The following IPPK variants were observed in gnomAD, a reference collection of about 807,000 sequenced individuals.
IPPK encodes inositol-pentakisphosphate 2-kinase, also known as IPK1 homolog.
A neutral mutation model predicts 64.6 loss-of-function variants in IPPK; 22 were observed. That is an observed-to-expected ratio of 0.34 (90% CI 0.24 to 0.49). The LOEUF is 0.49. Among genes scored for constraint, IPPK ranks in the 20% least tolerant of loss-of-function variants. The pLI is 0.99. For synonymous variants in IPPK, 262 were observed against 247.2 expected, an observed-to-expected ratio of 1.06 and a Z score of -0.56; for missense variants, 532 against 630.7, an observed-to-expected ratio of 0.84 and a Z score of 1.68.
intron 11 of IPPK, among the ~76,000 whole-genome samples, chr9:92,625,899 G>A (rs1034067456): frequency 3.9e-5 from 6 of 152,016 alleles, no homozygotes; most frequent in African/African-American, 1.4e-4. Context: ...AGGCAACACG[G>A]ATGAGTCAGC....
chr9:92,660,274 G>A (rs757416002), intron 1 of IPPK, among the ~76,000 whole-genome samples: 1 of 152,164 alleles, frequency 6.6e-6, no homozygotes, highest in Admixed American at 6.5e-5. Flanking sequence ...CCCTGCTAGC[G>A]ATGTGTAAGT....
chr9:92,657,613 C>A (rs1050709663), intron 2 of IPPK, among the ~76,000 whole-genome samples: 1 of 152,202 alleles, frequency 6.6e-6, no homozygotes, highest in Non-Finnish European at 1.5e-5. Context: ...GAGGCATGGA[C>A]TTTGTTTCCA....
At chr9:92,649,598 A>G (rs375468713) in intron 4 of IPPK, 24 bp from the exon 5 acceptor site, 77 of 1,613,224 alleles carry the variant, frequency 4.8e-5, no homozygotes, top group Non-Finnish European at 6.2e-5. Context: ...CAAGGGTCAC[A>G]CAGAGCAAGG....
At position 92,616,340 on chromosome 9, in the gene IPPK, C is replaced by T. The variant is rs536006154; in HGVS notation, c.1251-283G>A. On this transcript the variant is annotated intron_variant, in intron 12 of 12. Coordinates refer to ENST00000287996, the MANE Select transcript of IPPK (RefSeq NM_022755.6). ...AGCTTCCTCAGGCCAGTGCACCCCACCATACCAGGCGAGAGAGGGTTAAAG... is the reference window on the plus strand; with the variant it reads ...AGCTTCCTCAGGCCAGTGCACCCCATCATACCAGGCGAGAGAGGGTTAAAG... 314 of 353,204 alleles carry T rather than the reference C, an allele frequency of 8.9e-4. 3 individuals carry two copies. In the South Asian group the frequency reaches 0.011, roughly 13 times the overall value. The allele number at this position is 353,204 out of a possible 1,614,324, so 21.9% of individuals were successfully genotyped here.
chr9:92,620,960 C>T (rs1355035464), intron 11 of IPPK, among the ~76,000 whole-genome samples: 2 of 152,242 alleles, frequency 1.3e-5, no homozygotes, highest in Non-Finnish European at 2.9e-5. Flanking sequence ...TTGTTTCTCA[C>T]AGTTCTAGAG....
In IPPK at chr9:92,621,507, C is replaced by CTTTTTT. The variant is rs58003734; in HGVS notation, c.1171-1948_1171-1943dup. On this transcript the variant is annotated intron_variant, in intron 11 of 12. Coordinates refer to ENST00000287996, the MANE Select transcript of IPPK (RefSeq NM_022755.6). ...ATTTAAGTCAGAAATAATACCATTC[C>CTTTTTT]TTTTTTTTTTTTTTTTTTTTTTTTG... Among the ~76,000 whole-genome samples the CTTTTTT allele has an allele frequency of 3.5e-4, 31 of 87,804 alleles. 1 individual carries two copies. Among genetic ancestry groups the CTTTTTT allele is most frequent in the African/African-American group, 8.1e-4 (16 of 19,708 alleles). The allele number at this position is 87,804 out of a possible 152,430, so 57.6% of individuals were successfully genotyped here.
In IPPK at chr9:92,617,160, G is replaced by T. The variant is rs1256007338; in HGVS notation, c.1251-1103C>A. The T allele has an allele frequency of 3.9e-5, 6 of 152,308 alleles. No individual in the cohort carries two copies. The East Asian group carries it at 1.2e-3, about 29-fold the overall frequency. The allele number at this position is 152,308 out of a possible 1,614,324, so 9.4% of individuals were successfully genotyped here. A position where few individuals can be genotyped will look rare whatever the true frequency, so the allele number is the denominator to read the frequency against. ...TAAGGTCATGAGTCTCGCTCCAGAA[G>T]CTGGAGTGTGCCTGCAGCTCATCCC... On this transcript the variant is annotated intron_variant, in intron 12 of 12. Coordinates refer to ENST00000287996, the MANE Select transcript of IPPK (RefSeq NM_022755.6).
Position 92,670,093 on chromosome 9 carries a change from T to C in IPPK, c.-105A>G, listed in dbSNP as rs913912153. 3 of 723,950 alleles carry C rather than the reference T, an allele frequency of 4.1e-6. No individual in the cohort carries two copies. Among genetic ancestry groups the C allele is most frequent in the Non-Finnish European group, 4.2e-6 (2 of 474,336 alleles). 44.8% of individuals were successfully genotyped at this position (723,950 alleles called of 1,614,324 possible). A position where few individuals can be genotyped will look rare whatever the true frequency, so the allele number is the denominator to read the frequency against. On this transcript the variant is annotated 5_prime_UTR_variant, in exon 1 of 13. Transcript: ENST00000287996. ...CCGCTGCGGTCGGGGGAGGAGCGCCTGTCAGCTGCCGCCCCCGCTCGACCC... is the reference window on the plus strand; with the variant it reads ...CCGCTGCGGTCGGGGGAGGAGCGCCCGTCAGCTGCCGCCCCCGCTCGACCC...
intron 2 of IPPK, 22 bp downstream of exon 2, chr9:92,658,612 G>A: frequency 5.0e-6 from 8 of 1,598,732 alleles, no homozygotes; most frequent in Non-Finnish European, 6.9e-6. Flanking sequence ...TGTAAGTCTG[G>A]GTGCAAACCC....
rs192397247 is a variant in IPPK, at chr9:92,664,312, C to T, written c.81+5596G>A. On this transcript the variant is annotated intron_variant, in intron 1 of 12. Coordinates refer to ENST00000287996, the MANE Select transcript of IPPK (RefSeq NM_022755.6). ...TAGAAATACAAAGCACATTTGACAC[C>T]GGATGAAAAGTGACATCACCAAGAT... 1.2e-3 allele frequency among the ~76,000 whole-genome samples: 186 copies of T among 152,306 alleles called. 1 individual carries two copies. Among genetic ancestry groups the T allele is most frequent in the African/African-American group, 4.2e-3 (174 of 41,580 alleles).
chr9:92,637,898 A>G (rs1205506180), intron 9 of IPPK, 103 bp downstream of exon 9: 9 of 1,262,850 alleles, frequency 7.1e-6, no homozygotes, highest in Non-Finnish European at 9.5e-6. Context: ...CATCCCCCAG[A>G]GCCCCCAGGA....
Position 92,656,702 on chromosome 9 carries a change from A to C in IPPK, c.130-151T>G, listed in dbSNP as rs1488153709. 6 of 610,082 alleles carry C rather than the reference A, an allele frequency of 9.8e-6. No individual in the cohort carries two copies. In the East Asian group the frequency reaches 1.7e-4, roughly 17 times the overall value. 37.8% of individuals were successfully genotyped at this position (610,082 alleles called of 1,614,324 possible). On this transcript the variant is annotated intron_variant, in intron 2 of 12. Coordinates refer to ENST00000287996, the MANE Select transcript of IPPK (RefSeq NM_022755.6). ...AACCCGGGTGACAGCCCTCAGACCC[A>C]GGGGAAGGTCCCCAGTGCCCTTCCT...
chr9:92,637,729 A>G (rs1851967945), intron 9 of IPPK, among the ~76,000 whole-genome samples: 1 of 152,246 alleles, frequency 6.6e-6, no homozygotes, highest in African/African-American at 2.4e-5. Context: ...AACAAACCAG[A>G]GAGGACCACA....
chr9:92,618,250 CACCCTAGGTCTGAGAAGCCACA>C (rs754700690), intron 12 of IPPK: 1 of 456,710 alleles, frequency 2.2e-6, no homozygotes, highest in East Asian at 6.9e-5. Context: ...CCAGTGCCTA[CACCCTAGGTCTGAGAAGCCACA>C]TGGCTCAGTG....
intron 12 of IPPK, chr9:92,618,113 C>T (rs773305561): frequency 5.0e-5 from 20 of 397,300 alleles, no homozygotes; most frequent in South Asian, 3.5e-4. Context: ...ACAGGTGCGG[C>T]CACTGCGCAC....
chr9:92,667,819 C>T (rs1433305766), intron 1 of IPPK, among the ~76,000 whole-genome samples: 9 of 152,084 alleles, frequency 5.9e-5, no homozygotes, highest in Non-Finnish European at 1.0e-4. Flanking sequence ...AGGAGAATTG[C>T]TTGAACCCAG....
At chr9:92,658,818 G>T in intron 1 of IPPK, 137 bp from the exon 2 acceptor site, 1 of 756,908 alleles carries the variant, frequency 1.3e-6, no homozygotes, top group Non-Finnish European at 2.2e-6. Context: ...GAAGCCCCCA[G>T]GGCAGGGAGG....
chr9:92,616,984 C>T (rs965140425), intron 12 of IPPK: 11 of 152,254 alleles, frequency 7.2e-5, no homozygotes, highest in African/African-American at 2.7e-4. Flanking sequence ...TCAGCACGTC[C>T]CTGCTCTGAC....
chr9:92,613,445 C>T lies in IPPK; in HGVS notation c.*2387G>A. 1 of 329,352 alleles carries T rather than the reference C, an allele frequency of 3.0e-6. No individual in the cohort carries two copies. The highest frequency in any genetic ancestry group is 2.9e-5 in the South Asian group (1 of 34,810). 20.4% of individuals were successfully genotyped at this position (329,352 alleles called of 1,614,324 possible). On this transcript the variant is annotated 3_prime_UTR_variant, in exon 13 of 13. Coordinates refer to ENST00000287996, the MANE Select transcript of IPPK (RefSeq NM_022755.6). Reference sequence around the variant, plus strand: ...CAGATGTGTGGGGAGGATCCATCCCCCACCCACTGCAGCCTCACACCGAGT... The same window carrying T: ...CAGATGTGTGGGGAGGATCCATCCCTCACCCACTGCAGCCTCACACCGAGT...
Sources: gnomAD v4.1 joint callset for allele counts (sites outside exome capture counted in the v4.1 genomes callset) on GRCh38, gnomAD v4.1.1 for gene constraint, MANE v1.5 for transcripts, NCBI Gene and HGNC (gene_info 2026-07-23, HGNC 2026-07-21) for gene names.